Variants in TMEM270 observed in about 807,000 individuals in gnomAD.
The protein encoded by TMEM270 is Williams-Beuren syndrome chromosome region 28.
A neutral mutation model predicts 29.9 loss-of-function variants in TMEM270; 30 were observed. The ratio of observed to expected loss-of-function variants is 1.00; its 90% CI spans 0.75 to 1.36. TMEM270 has a LOEUF of 1.36. TMEM270 is among the 40% of genes most tolerant of loss of function. TMEM270 has a pLI of 0.00. For missense variants in TMEM270, 313 were observed against 307.1 expected (o/e 1.02, Z -0.14); for synonymous variants, 135 against 139.8 (o/e 0.97, Z 0.24).
chr7:73,861,508 G>C (rs1350208681), intron 1 of TMEM270: 6 of 634,706 alleles, frequency 9.5e-6, no homozygotes, highest in Non-Finnish European at 1.8e-5. Context: ...GGAGCGCAGT[G>C]GTGCCGGCTC....
chr7:73,865,086 G>A lies in TMEM270; in HGVS notation c.166G>A (p.Gly56Arg). 6.4e-7 allele frequency: 1 copy of A among 1,558,528 alleles called. No individual in the cohort carries two copies. Residue 56 changes from glycine to arginine, a missense_variant, in exon 2 of 3, where the codon GGG (glycine) becomes AGG (arginine). By Grantham distance (125) the Gly-to-Arg change is moderately radical (BLOSUM62 -2). Coordinates refer to ENST00000320531, the MANE Select transcript of TMEM270 (RefSeq NM_182504.4). Reference sequence around the variant, plus strand: ...GTCAGGGCTGGCCCAGGAGGCCCGGGGGTCCTGTAACTGGCAGGCCCACCT... The same window carrying A: ...GTCAGGGCTGGCCCAGGAGGCCCGGAGGTCCTGTAACTGGCAGGCCCACCT... Reference protein sequence around the residue: ...WVSGLAQEARGSCNWQAHLPL... With the variant: ...WVSGLAQEARRSCNWQAHLPL...
chr7:73,863,540 C>T (rs1563664856), intron 1 of TMEM270, among the ~76,000 whole-genome samples: 1 of 152,070 alleles, frequency 6.6e-6, no homozygotes, highest in Non-Finnish European at 1.5e-5. Context: ...CAGGCATGCA[C>T]CATCATGCCC....
chr7:73,865,191 G>A lies in TMEM270; in HGVS notation c.271G>A (p.Val91Met). 6 of 1,613,826 alleles carry A rather than the reference G, an allele frequency of 3.7e-6. No homozygotes were observed. Among genetic ancestry groups the A allele is most frequent in the African/African-American group, 1.3e-5 (1 of 75,060 alleles). Residue 91 changes from valine (V) to methionine (M), a missense_variant, in exon 2 of 3, where the codon GTG (valine) becomes ATG (methionine). Val to Met is a conservative substitution (Grantham distance 21, BLOSUM62 1). Transcript: ENST00000320531. ...TCTGATACAGGTCCCCGTATGGCTG[G>A]TGCTACAGGGACCCAGGCTGATGTG... is the stretch of plus-strand genomic sequence containing the variant. ...LALIQVPVWL[V>M]LQGPRLMWAG...
rs530354825 is a variant in TMEM270, at chr7:73,865,104, G to T, written c.184G>T (p.Ala62Ser). The T allele has an allele frequency of 4.4e-5, 70 of 1,577,106 alleles. No individual in the cohort carries two copies. The East Asian group carries it at 1.5e-3, about 34-fold the overall frequency. ...QEARGSCNWQAHLPLGAAACP... is the reference protein window; with the variant it reads ...QEARGSCNWQSHLPLGAAACP... ...GGCCCGGGGGTCCTGTAACTGGCAGGCCCACCTACCCCTGGGAGCTGCAGC... is the reference window on the plus strand; with the variant it reads ...GGCCCGGGGGTCCTGTAACTGGCAGTCCCACCTACCCCTGGGAGCTGCAGC... Residue 62 changes from alanine to serine, a missense_variant, in exon 2 of 3, where the codon GCC (alanine) becomes TCC (serine). Ala to Ser is a moderately conservative substitution (Grantham distance 99). Coordinates refer to ENST00000320531, the MANE Select transcript of TMEM270 (RefSeq NM_182504.4).
At position 73,863,610 on chromosome 7, in the gene TMEM270, G is replaced by A. The variant is rs560831559; in HGVS notation, c.73-1383G>A. Among the ~76,000 whole-genome samples the A allele has an allele frequency of 3.3e-5, 5 of 152,160 alleles. No individual in the cohort carries two copies. The East Asian group carries it at 5.8e-4, about 18-fold the overall frequency. ...TCACCAGGTTGACCAGGCTGGTCTC[G>A]AAATCTTGACCTCAGGTGATCCGTC... On this transcript the variant is annotated intron_variant, in intron 1 of 2. Coordinates refer to ENST00000320531, the MANE Select transcript of TMEM270 (RefSeq NM_182504.4).
Position 73,865,359 on chromosome 7 carries a change from G to A in TMEM270, c.439G>A (p.Val147Ile), listed in dbSNP as rs782798248. The A allele has an allele frequency of 6.2e-7, 1 of 1,613,626 alleles. No homozygotes were observed. The highest frequency in any genetic ancestry group is 8.5e-7 in the Non-Finnish European group (1 of 1,180,012). Residue 147 changes from valine (V) to isoleucine (I), a missense_variant, in exon 2 of 3, where the codon GTA becomes ATA. Physicochemically the swap from Val to Ile is conservative, Grantham distance 29. Coordinates refer to ENST00000320531, the MANE Select transcript of TMEM270 (RefSeq NM_182504.4). ...GLMLVALLLV[V>I]VTWRVCQKSH... ...GATGTTGGTGGCCTTGCTCTTGGTG[G>A]TAGTGACCTGGAGGGTGTGTCAGAA...
At chr7:73,861,113 C>G, upstream of TMEM270, 2 of 1,427,594 alleles carry the variant, frequency 1.4e-6, no homozygotes, top group South Asian at 2.3e-5. Context: ...AACCGGGTCC[C>G]CATGGTAACT....
rs191035679 is a variant in TMEM270, at chr7:73,865,815, C to T, written c.740C>T (p.Ala247Val). 3,702 of 1,613,676 alleles carry T rather than the reference C, an allele frequency of 2.3e-3. 134 individuals are homozygous for T. In the Admixed American group the frequency reaches 0.056, roughly 24 times the overall value. ...SGSSLLPSLS[A>V]SSDSESGTVL... Reference sequence around the variant, plus strand: ...TCTTCCTTGCTGCCCTCACTGTCTGCGTCCTCGGACTCAGAGTCTGGAACA... The same window carrying T: ...TCTTCCTTGCTGCCCTCACTGTCTGTGTCCTCGGACTCAGAGTCTGGAACA... The change falls in exon 3 of 3, where the codon GCG becomes GTG. Residue 247 changes from alanine (A) to valine (V), a missense_variant. By Grantham distance (64) the Ala-to-Val change is moderately conservative. Transcript: ENST00000320531.
chr7:73,864,365 GC>G (rs1482504523), intron 1 of TMEM270, among the ~76,000 whole-genome samples: 3 of 151,918 alleles, frequency 2.0e-5, no homozygotes, highest in African/African-American at 7.3e-5. Context: ...GGAGGTCAAG[GC>G]TGCAGTGAGC....
chr7:73,862,105 T>C (rs73371829), intron 1 of TMEM270, among the ~76,000 whole-genome samples: 4,717 of 148,528 alleles, frequency 0.032, 220 homozygotes, highest in African/African-American at 0.11. Context: ...CTCATTCATC[T>C]CTCTCTCTTT....
At chr7:73,863,325 C>T (rs1788826769) in intron 1 of TMEM270, among the ~76,000 whole-genome samples, 1 of 152,096 alleles carries the variant, frequency 6.6e-6, no homozygotes. Context: ...CCCAGTCCTG[C>T]AGCTTCATCT....
Position 73,865,285 on chromosome 7 carries a change from T to G in TMEM270, c.365T>G (p.Leu122Arg). The G allele has an allele frequency of 6.2e-7, 1 of 1,613,438 alleles. No homozygotes were observed. Among genetic ancestry groups the G allele is most frequent in the Non-Finnish European group, 8.5e-7 (1 of 1,180,034 alleles). The stretch of plus-strand genomic sequence containing the variant: ...CTCAGTGCCTGGGAGCAGCTGGGCC[T>G]GTCTGTGGCCATCTGGACAGATCTG... The part of the protein sequence containing the change: ...ALLSAWEQLG[L>R]SVAIWTDLFL... The change falls in exon 2 of 3, where the codon CTG (leucine) becomes CGG (arginine). Residue 122 changes from leucine to arginine, a missense_variant. Leu to Arg is a moderately radical substitution (Grantham distance 102). Coordinates refer to ENST00000320531, the MANE Select transcript of TMEM270 (RefSeq NM_182504.4).
upstream of TMEM270, chr7:73,861,109 G>C: frequency 7.2e-7 from 1 of 1,382,608 alleles, no homozygotes; most frequent in Non-Finnish European, 1.0e-6. Context: ...CGGCAACCGG[G>C]TCCCCATGGT....
intron 1 of TMEM270, 102 bp from the exon 2 acceptor site, chr7:73,864,891 G>GAA (rs1460855342): frequency 9.3e-7 from 1 of 1,073,598 alleles, no homozygotes; most frequent in Non-Finnish European, 1.3e-6. Context: ...CAACAAGAGT[G>GAA]AAACTCCGTC....
At chr7:73,862,384 G>A (rs1202393868) in intron 1 of TMEM270, among the ~76,000 whole-genome samples, 1 of 151,800 alleles carries the variant, frequency 6.6e-6, no homozygotes, top group African/African-American at 2.4e-5. Flanking sequence ...GGGATTACAG[G>A]TGTGAGCCAC....
In TMEM270 at chr7:73,865,425, G is replaced by A; in HGVS notation, c.501+4G>A. 1 of 1,605,710 alleles carries A rather than the reference G, an allele frequency of 6.2e-7. No individual in the cohort carries two copies. Among genetic ancestry groups the A allele is most frequent in the South Asian group, 1.1e-5 (1 of 89,542 alleles). On this transcript the variant is annotated splice_donor_region_variant and intron_variant, in intron 2 of 2. Transcript: ENST00000320531. ...ACTGGGCAGGCAGCTCAGTAAGGTG[G>A]GTGGTCTCGGGGTGAGGCTGGGGTG...
chr7:73,861,111 C>G (rs952668076), upstream of TMEM270: 11 of 1,398,566 alleles, frequency 7.9e-6, no homozygotes, highest in Admixed American at 1.2e-4. Context: ...GCAACCGGGT[C>G]CCCATGGTAA....
intron 1 of TMEM270, among the ~76,000 whole-genome samples, chr7:73,864,490 C>T (rs1039088124): frequency 6.6e-6 from 1 of 152,032 alleles, no homozygotes; most frequent in African/African-American, 2.4e-5. Context: ...TCTAATGTTC[C>T]CTTCTCAGAA....
chr7:73,861,855 G>A (rs1788794002), intron 1 of TMEM270, among the ~76,000 whole-genome samples: 1 of 152,032 alleles, frequency 6.6e-6, no homozygotes, highest in Non-Finnish European at 1.5e-5. Context: ...CTGGAGTGCA[G>A]TGGTGCGATC....
Sources: allele counts gnomAD v4.1 joint callset (sites outside exome capture counted in the v4.1 genomes callset), GRCh38; gene constraint gnomAD v4.1.1; transcripts MANE v1.5; gene names NCBI Gene and HGNC (gene_info 2026-07-23, HGNC 2026-07-21).